HIPK2: variants seen among roughly 807,000 people sequenced by gnomAD.
The protein encoded by HIPK2 is homeodomain-interacting protein kinase 2.
Under a neutral mutation model 113.7 loss-of-function variants are expected in HIPK2, and 27 were observed. The ratio of observed to expected loss-of-function variants is 0.24; its 90% CI spans 0.17 to 0.33. The LOEUF (loss-of-function observed/expected upper bound fraction) is 0.33, where lower values mean the gene tolerates loss of function less well. Among genes scored for constraint, HIPK2 ranks in the 10% least tolerant of loss-of-function variants. The pLI is 1.00. For synonymous variants in HIPK2, 631 were observed against 642.2 expected, an observed-to-expected ratio of 0.98 and a Z score of 0.26; for missense variants, 1,257 against 1,588.0, an observed-to-expected ratio of 0.79 and a Z score of 3.54.
intron 2 of HIPK2, among the ~76,000 whole-genome samples, chr7:139,713,482 G>A (rs1795130154): frequency 6.6e-6 from 1 of 152,154 alleles, no homozygotes; most frequent in Non-Finnish European, 1.5e-5. Context: ...CGTCACATGG[G>A]CACCAGAAGG....
intron 1 of HIPK2, among the ~76,000 whole-genome samples, chr7:139,757,548 C>T (rs1384880464): frequency 2.0e-5 from 3 of 151,976 alleles, no homozygotes; most frequent in Non-Finnish European, 4.4e-5. Flanking sequence ...GATGGCTATC[C>T]TAAAAAAAGG....
In HIPK2 at chr7:139,576,388, G is replaced by A. The variant is rs73735017; in HGVS notation, c.2966-1100C>T. ...AGACTCTGGCCAGCAGCTCTGGGGG[G>A]CCCGAGCACCTGCATTTCTGACAAG... On this transcript the variant is annotated intron_variant, in intron 13 of 14. Transcript: ENST00000406875. Among the ~76,000 whole-genome samples, 210 of 152,322 alleles carry A rather than the reference G, an allele frequency of 1.4e-3. 3 individuals are homozygous for A. Among genetic ancestry groups the A allele is most frequent in the African/African-American group, 4.8e-3 (201 of 41,578 alleles).
rs763379716 is a variant in HIPK2, at chr7:139,564,191, G to T, written c.*8736C>A. On this transcript the variant is annotated 3_prime_UTR_variant, in exon 15 of 15. Transcript: ENST00000406875. ...AAACATAGCCTTTTACATTGATTTT[G>T]CTTTTAAGGGGAAAACGAATAAATG... 19 of 373,020 alleles carry T rather than the reference G, an allele frequency of 5.1e-5. No homozygotes were observed. Among genetic ancestry groups the T allele is most frequent in the Non-Finnish European group, 8.5e-5 (18 of 210,868 alleles). The allele number at this position is 373,020 out of a possible 1,614,324, so 23.1% of individuals were successfully genotyped here.
chr7:139,701,163 C>G (rs1015417192), intron 2 of HIPK2, among the ~76,000 whole-genome samples: 1 of 152,176 alleles, frequency 6.6e-6, no homozygotes, highest in African/African-American at 2.4e-5. Context: ...GGCATCACTC[C>G]AGAGGCTGGA....
At chr7:139,697,870 T>A (rs1294429099) in intron 2 of HIPK2, among the ~76,000 whole-genome samples, 91,193 of 146,664 alleles carry the variant, frequency 0.62, 32,722 homozygotes, top group South Asian at 0.86. Flanking sequence ...GGAATTTTTT[T>A]TTTTTTTTTT....
intron 1 of HIPK2, among the ~76,000 whole-genome samples, chr7:139,749,863 A>G (rs1796252607): frequency 6.6e-6 from 1 of 152,222 alleles, no homozygotes; most frequent in Admixed American, 6.5e-5. Flanking sequence ...ACAAGGACAG[A>G]AGATCATCAA....
rs1280257322 is a variant in HIPK2, at chr7:139,630,481, T to G, written c.1347+684A>C. Among the ~76,000 whole-genome samples, 2 of 152,338 alleles carry G rather than the reference T, an allele frequency of 1.3e-5. No individual in the cohort carries two copies. Among genetic ancestry groups the G allele is most frequent in the East Asian group, 3.9e-4 (2 of 5,186 alleles). Reference sequence around the variant, plus strand: ...GGCACAATCTCAGCTCACTGCAACCTCCGCCTCCCAGGTGCAAGTGATTCA... The same window carrying G: ...GGCACAATCTCAGCTCACTGCAACCGCCGCCTCCCAGGTGCAAGTGATTCA... On this transcript the variant is annotated intron_variant, in intron 4 of 14. Transcript: ENST00000406875. The surrounding 1 kb of genome is among the most constrained non-coding windows in gnomAD (Gnocchi z 4.0).
intron 1 of HIPK2, among the ~76,000 whole-genome samples, chr7:139,725,632 A>AG (rs1451241418): frequency 6.6e-6 from 1 of 152,234 alleles, no homozygotes; most frequent in African/African-American, 2.4e-5. Flanking sequence ...CAACCATGAG[A>AG]GCTGCTCATC....
At chr7:139,579,989 C>G (rs558945627) in intron 13 of HIPK2, among the ~76,000 whole-genome samples, 11 of 152,258 alleles carry the variant, frequency 7.2e-5, no homozygotes, top group African/African-American at 1.4e-4. Flanking sequence ...CAAGCCAAAC[C>G]CATTAGACTC....
At chr7:139,671,595 A>C (rs1802304585) in intron 2 of HIPK2, among the ~76,000 whole-genome samples, 1 of 152,120 alleles carries the variant, frequency 6.6e-6, no homozygotes, top group African/African-American at 2.4e-5. Context: ...TGTGCCACCC[A>C]GGCTAGAGTG....
chr7:139,757,674 G>C (rs1391225305), intron 1 of HIPK2, among the ~76,000 whole-genome samples: 2 of 152,236 alleles, frequency 1.3e-5, no homozygotes, highest in Admixed American at 1.3e-4. Flanking sequence ...AATTTGACTA[G>C]TGGTTTCCAG....
Position 139,575,203 on chromosome 7 carries a change from T to G in HIPK2, c.3051A>C (p.Ser1017=), listed in dbSNP as rs1798446995. 6.3e-7 allele frequency: 1 copy of G among 1,586,966 alleles called. No individual in the cohort carries two copies. Among genetic ancestry groups the G allele is most frequent in the East Asian group, 2.3e-5 (1 of 43,762 alleles). Residue 1017 remains serine (S), a synonymous_variant, in exon 14 of 15, where the codon TCA becomes TCC. Coordinates refer to ENST00000406875, the MANE Select transcript of HIPK2 (RefSeq NM_022740.5). ...GCTGCCGGTAGGTGATGGCTCCAGA[T>G]GAGCTCCCTGAAGAGTGACCGCTGG... is the stretch of plus-strand genomic sequence containing the variant. ...TSTSGHSSGS[S]SGAITYRQQR... is the part of the protein sequence containing the mutation.
At chr7:139,592,200 G>T (rs558772634) in intron 12 of HIPK2, among the ~76,000 whole-genome samples, 43 of 152,268 alleles carry the variant, frequency 2.8e-4, no homozygotes, top group Non-Finnish European at 4.6e-4. Context: ...AATACTGAAT[G>T]ATATTTATGA....
At chr7:139,764,551 G>A (rs981924040) in intron 1 of HIPK2, among the ~76,000 whole-genome samples, 21 of 152,300 alleles carry the variant, frequency 1.4e-4, no homozygotes, top group Non-Finnish European at 2.5e-4. Flanking sequence ...TATATTTCAG[G>A]GGGTTGACCA....
At chr7:139,640,716 C>T (rs1800982372) in intron 2 of HIPK2, among the ~76,000 whole-genome samples, 1 of 151,944 alleles carries the variant, frequency 6.6e-6, no homozygotes, top group Non-Finnish European at 1.5e-5. Flanking sequence ...GTGGCACAAT[C>T]TTGGTTGACC....
intron 9 of HIPK2, among the ~76,000 whole-genome samples, chr7:139,611,059 C>G (rs985111874): frequency 1.3e-5 from 2 of 152,194 alleles, no homozygotes; most frequent in Admixed American, 1.3e-4. Context: ...AGAGACACTG[C>G]TTTGGGAACT....
At chr7:139,712,325 G>A (rs1469476965) in intron 2 of HIPK2, among the ~76,000 whole-genome samples, 1 of 152,224 alleles carries the variant, frequency 6.6e-6, no homozygotes, top group Non-Finnish European at 1.5e-5. Flanking sequence ...CCAAGGCGAG[G>A]ATAACATATC....
Position 139,716,066 on chromosome 7 carries a change from A to T in HIPK2, c.969T>A (p.Ala323=). The T allele has an allele frequency of 6.2e-7, 1 of 1,614,148 alleles. No individual in the cohort carries two copies. Among genetic ancestry groups the T allele is most frequent in the Admixed American group, 1.7e-5 (1 of 60,032 alleles). The change falls in exon 2 of 15, where the codon GCT becomes GCA. Residue 323 remains alanine, a synonymous_variant. Coordinates refer to ENST00000406875, the MANE Select transcript of HIPK2 (RefSeq NM_022740.5). This position sits in a 1 kb window ranked among gnomAD's most constrained non-coding sequence, Gnocchi z 9.3. Reference sequence around the variant, plus strand: ...GCATGATGTTTTCTGGTTTGAGGTCAGCGTGGATAAGACCTAGGCTTTTGA... The same window carrying T: ...GCATGATGTTTTCTGGTTTGAGGTCTGCGTGGATAAGACCTAGGCTTTTGA... ...MKLKSLGLIH[A]DLKPENIMLV... is the part of the protein sequence containing the mutation.
chr7:139,747,092 G>A (rs892935087), intron 1 of HIPK2, among the ~76,000 whole-genome samples: 4 of 152,040 alleles, frequency 2.6e-5, no homozygotes, highest in Non-Finnish European at 5.9e-5. Flanking sequence ...ACCCCTTTTC[G>A]GTGTGAAACT....
Sources: gnomAD v4.1 joint callset for allele counts (sites outside exome capture counted in the v4.1 genomes callset) on GRCh38, gnomAD v4.1.1 for gene constraint, Gnocchi (gnomAD v3.1) non-coding constraint, MANE v1.5 for transcripts, NCBI Gene and HGNC (gene_info 2026-07-23, HGNC 2026-07-21) for gene names.